Variants in CPA6 observed in about 807,000 individuals in gnomAD.
CPA6 encodes carboxypeptidase B.
Under a neutral mutation model 63.3 loss-of-function variants are expected in CPA6, and 58 were observed. The observed-to-expected ratio is 0.92, with a 90% CI of 0.74 to 1.14. CPA6 has a LOEUF of 1.14. CPA6 is among the 50% of genes most tolerant of loss of function. CPA6 has a pLI of 0.00. For synonymous variants in CPA6, 185 were observed against 179.0 expected (o/e 1.03, Z -0.27); for missense variants, 565 against 526.6 (o/e 1.07, Z -0.71).
At chr8:67,526,708 C>T (rs1418716192) in intron 2 of CPA6, among the ~76,000 whole-genome samples, 2 of 152,108 alleles carry the variant, frequency 1.3e-5, no homozygotes, top group Non-Finnish European at 2.9e-5. Context: ...AAGATGCAGG[C>T]CTGTGCTGGT....
chr8:67,543,120 T>C (rs1812741754), intron 2 of CPA6, among the ~76,000 whole-genome samples: 1 of 152,248 alleles, frequency 6.6e-6, no homozygotes, highest in Non-Finnish European at 1.5e-5. Flanking sequence ...ATCCAGTTTT[T>C]CTCAAAAGCC....
chr8:67,441,192 A>T (rs961211131), intron 8 of CPA6, among the ~76,000 whole-genome samples: 1 of 152,192 alleles, frequency 6.6e-6, no homozygotes, highest in African/African-American at 2.4e-5. Flanking sequence ...AAAAAATTCA[A>T]TAGTGTAATT....
At chr8:67,525,538 A>G (rs577914018) in intron 2 of CPA6, among the ~76,000 whole-genome samples, 2 of 152,152 alleles carry the variant, frequency 1.3e-5, no homozygotes, top group East Asian at 3.9e-4. Context: ...TTCTGGTAAA[A>G]CTCTATTTTG....
chr8:67,440,387 G>A (rs1246483724), intron 8 of CPA6, among the ~76,000 whole-genome samples: 2 of 151,914 alleles, frequency 1.3e-5, no homozygotes, highest in Non-Finnish European at 2.9e-5. Context: ...CCTGGCCAAC[G>A]TGGTAAAACT....
At chr8:67,599,264 C>T (rs1301181000) in intron 2 of CPA6, among the ~76,000 whole-genome samples, 1 of 152,210 alleles carries the variant, frequency 6.6e-6, no homozygotes, top group African/African-American at 2.4e-5. Flanking sequence ...TTTCTGTAAA[C>T]TTGATGCTTT....
chr8:67,711,531 A>G (rs761951426), intron 1 of CPA6, among the ~76,000 whole-genome samples: 27 of 152,090 alleles, frequency 1.8e-4, no homozygotes, highest in Non-Finnish European at 2.5e-4. Flanking sequence ...CCTCTTGTCT[A>G]TCTGCATGAG....
intron 1 of CPA6, among the ~76,000 whole-genome samples, chr8:67,742,955 C>T (rs542077942): frequency 6.7e-4 from 102 of 152,022 alleles, no homozygotes; most frequent in Non-Finnish European, 2.9e-4. Context: ...TTTTCTGTGA[C>T]GCAGAAGATT....
At chr8:67,524,720 G>C (rs1812327571) in intron 2 of CPA6, among the ~76,000 whole-genome samples, 2 of 151,388 alleles carry the variant, frequency 1.3e-5, no homozygotes, top group Admixed American at 1.3e-4. Flanking sequence ...CAATTGTAAT[G>C]TTAATATTTG....
At chr8:67,469,796 C>G (rs781477647) in intron 8 of CPA6, among the ~76,000 whole-genome samples, 4 of 152,112 alleles carry the variant, frequency 2.6e-5, no homozygotes, top group African/African-American at 9.7e-5. Flanking sequence ...CACGCTGTCT[C>G]TCTCTATACA....
intron 2 of CPA6, among the ~76,000 whole-genome samples, chr8:67,596,077 C>A (rs953304482): frequency 6.6e-6 from 1 of 152,184 alleles, no homozygotes; most frequent in Non-Finnish European, 1.5e-5. Context: ...TATCATCTAC[C>A]CTTTGATGCT....
intron 6 of CPA6, among the ~76,000 whole-genome samples, chr8:67,498,988 A>G (rs118128682): frequency 0.013 from 1,987 of 152,366 alleles, 31 homozygotes; most frequent in Non-Finnish European, 0.019. Context: ...AAAAATGTCA[A>G]CTAGGAACTA....
chr8:67,581,035 AT>A (rs1813758198), intron 2 of CPA6, among the ~76,000 whole-genome samples: 1 of 152,144 alleles, frequency 6.6e-6, no homozygotes, highest in African/African-American at 2.4e-5. Flanking sequence ...AGGTTGGTAG[AT>A]TAAGAGACCA....
At chr8:67,617,117 T>C (rs6995909) in intron 2 of CPA6, among the ~76,000 whole-genome samples, 97,622 of 152,056 alleles carry the variant, frequency 0.64, 32,437 homozygotes, top group African/African-American at 0.82. Context: ...AAAATACTAC[T>C]GCATAAGCCG....
intron 2 of CPA6, among the ~76,000 whole-genome samples, chr8:67,552,079 T>C (rs1015275086): frequency 3.9e-5 from 6 of 152,242 alleles, no homozygotes; most frequent in African/African-American, 1.4e-4. Flanking sequence ...TAAAAAATTC[T>C]CTTAGTTCTC....
rs961823543 is a variant in CPA6, at chr8:67,635,446, G to T, written c.117-11195C>A. Among the ~76,000 whole-genome samples, 4 of 151,606 alleles carry T rather than the reference G, an allele frequency of 2.6e-5. No individual in the cohort carries two copies. The East Asian group carries it at 7.7e-4, about 29-fold the overall frequency. On this transcript the variant is annotated intron_variant, in intron 1 of 10. Coordinates refer to ENST00000297770, the MANE Select transcript of CPA6 (RefSeq NM_020361.5). ...TTGGATGGTCTCATTTTCTACAATG[G>T]TAACTGGGGATATGGAACACTTTAT...
At chr8:67,638,407 A>T (rs1815517613) in intron 1 of CPA6, among the ~76,000 whole-genome samples, 1 of 151,446 alleles carries the variant, frequency 6.6e-6, no homozygotes, top group African/African-American at 2.5e-5. Flanking sequence ...CAACCTAATA[A>T]ACCTAGTAAA....
At chr8:67,537,485 G>A (rs1013938499) in intron 2 of CPA6, among the ~76,000 whole-genome samples, 3 of 152,188 alleles carry the variant, frequency 2.0e-5, no homozygotes, top group Non-Finnish European at 4.4e-5. Flanking sequence ...TTGCGTAGAG[G>A]TGTTTATAGT....
chr8:67,553,683 C>A (rs1812999480), intron 2 of CPA6, among the ~76,000 whole-genome samples: 1 of 152,168 alleles, frequency 6.6e-6, no homozygotes, highest in African/African-American at 2.4e-5. Context: ...TAATACTTAA[C>A]TCAAGCATTT....
chr8:67,596,348 C>G (rs1814334513), intron 2 of CPA6, among the ~76,000 whole-genome samples: 1 of 152,166 alleles, frequency 6.6e-6, no homozygotes, highest in Non-Finnish European at 1.5e-5. Flanking sequence ...GCAATTAAAA[C>G]TACCATTCCA....
Sources: allele counts gnomAD v4.1 joint callset (sites outside exome capture counted in the v4.1 genomes callset), GRCh38; gene constraint gnomAD v4.1.1; transcripts MANE v1.5; gene names NCBI Gene and HGNC (gene_info 2026-07-23, HGNC 2026-07-21).